Variants in CPNE7 observed in about 807,000 individuals in gnomAD.
The protein encoded by CPNE7 is copine-7.
CPNE7 carries 78 observed loss-of-function variants against 66.5 expected under a neutral mutation model. That is an observed-to-expected ratio of 1.17 (90% CI 0.98 to 1.42). The LOEUF is 1.42. Ranked by LOEUF, CPNE7 falls within the 40% of genes most tolerant of loss-of-function variation. The pLI, the probability that CPNE7 is intolerant of heterozygous loss-of-function variation, is 0.00. For synonymous variants in CPNE7, 468 were observed against 336.7 expected (o/e 1.39, Z -4.27); for missense variants, 1,012 against 776.6 (o/e 1.30, Z -3.60).
rs937972823 is a variant in CPNE7 at position 89,591,213 on chromosome 16, A to G, written c.1255A>G (p.Lys419Glu). 1 of 1,594,878 alleles carries G rather than the reference A, an allele frequency of 6.3e-7. No individual in the cohort carries two copies. Among genetic ancestry groups the G allele is most frequent in the African/African-American group, 1.3e-5 (1 of 74,726 alleles). ...GPTNVAPIIS[K>E]VARVAAAEES... ...CACCAACGTGGCGCCCATCATCTCC[A>G]AGGTGGCACGCGTGGCGGCGGCCGA... is the stretch of plus-strand genomic sequence containing the variant. Residue 419 changes from lysine to glutamate, a missense_variant, in exon 13 of 15, where the codon AAG (lysine) becomes GAG (glutamate). Coordinates refer to ENST00000319518, the MANE Select transcript of CPNE7 (RefSeq NM_153636.3).
intron 10 of CPNE7, 136 bp from the exon 11 acceptor site, chr16:89,589,761 G>C: frequency 1.2e-6 from 1 of 868,418 alleles, no homozygotes; most frequent in Non-Finnish European, 1.8e-6. Flanking sequence ...CCCCACCTCT[G>C]GCAGGTGCTT....
At chr16:89,576,586 G>T (rs529260396) in intron 1 of CPNE7, among the ~76,000 whole-genome samples, 22 of 152,310 alleles carry the variant, frequency 1.4e-4, no homozygotes, top group African/African-American at 4.1e-4. Context: ...GGTCCGAAGG[G>T]GCACGGGGCC....
At chr16:89,595,788 AAC>A (rs2059245483) in intron 14 of CPNE7, 185 bp downstream of exon 14, 2 of 707,200 alleles carry the variant, frequency 2.8e-6, no homozygotes, top group Non-Finnish European at 5.2e-6. Context: ...GAGCACCTGA[AAC>A]ACCCTCCACC....
chr16:89,595,143 G>A (rs1252324365), intron 13 of CPNE7, among the ~76,000 whole-genome samples: 1 of 152,140 alleles, frequency 6.6e-6, no homozygotes, highest in African/African-American at 2.4e-5. Flanking sequence ...GACTCGTGGA[G>A]ATTTCCTGAG....
At chr16:89,591,709 G>C (rs902166430) in intron 13 of CPNE7, among the ~76,000 whole-genome samples, 14 of 151,998 alleles carry the variant, frequency 9.2e-5, no homozygotes, top group African/African-American at 2.9e-4. Context: ...CTTTTCTTTT[G>C]TTTTTTGTGA....
rs2058852065 is a variant in CPNE7 at position 89,575,869 on chromosome 16, G to C, written c.-29G>C. The C allele has an allele frequency of 2.1e-5, 25 of 1,193,538 alleles. No individual in the cohort carries two copies. The highest frequency in any genetic ancestry group is 2.6e-5 in the Non-Finnish European group (25 of 963,458). The allele number at this position is 1,193,538 out of a possible 1,614,324, so 73.9% of individuals were successfully genotyped here. On this transcript the variant is annotated 5_prime_UTR_variant, in exon 1 of 15. Coordinates refer to ENST00000319518, the MANE Select transcript of CPNE7 (RefSeq NM_153636.3). ...CTCGCGGGCAGCGGCCCCTCAGTGC[G>C]CCCAGCCGGGCCCCCGAACGCCGGG...
chr16:89,581,446 C>G (rs974044817), intron 2 of CPNE7, among the ~76,000 whole-genome samples: 1 of 152,264 alleles, frequency 6.6e-6, no homozygotes, highest in African/African-American at 2.4e-5. Context: ...AATTCCACGT[C>G]CATGAATCAC....
At chr16:89,579,862 G>A (rs1459972027) in intron 2 of CPNE7, among the ~76,000 whole-genome samples, 4 of 33,572 alleles carry the variant, frequency 1.2e-4, no homozygotes, top group African/African-American at 1.5e-4. Flanking sequence ...CCCATCACAC[G>A]GAACATCCCG....
At chr16:89,587,503 C>T (rs1384376271) in intron 9 of CPNE7, 7 of 451,520 alleles carry the variant, frequency 1.6e-5, no homozygotes, top group East Asian at 7.1e-5. Context: ...CCAAGCCCGC[C>T]TTGGGAGGTG....
chr16:89,586,846 G>A (rs2059048641), intron 8 of CPNE7, 90 bp downstream of exon 8: 2 of 1,268,662 alleles, frequency 1.6e-6, no homozygotes, highest in Admixed American at 3.5e-5. Context: ...TCAACCAGAG[G>A]CCTGGTGGGC....
At chr16:89,596,247 C>T (rs948098848) in intron 14 of CPNE7, among the ~76,000 whole-genome samples, 5 of 152,224 alleles carry the variant, frequency 3.3e-5, no homozygotes, top group African/African-American at 1.2e-4. Flanking sequence ...GAGGTGGCCT[C>T]GCCTCCCGTG....
chr16:89,578,801 G>A (rs974708225), intron 2 of CPNE7: 13 of 1,535,576 alleles, frequency 8.5e-6, no homozygotes, highest in Admixed American at 8.4e-5. Flanking sequence ...TGAGCAGCAG[G>A]TCCTACGGTG....
Position 89,584,092 on chromosome 16 carries a change from T to TGGACGACAAGGTGAGTGCAGGTGCC in CPNE7, c.500_507+17dup. On this transcript the variant is annotated frameshift_variant, in exon 4 of 15. Transcript: ENST00000319518. LOFTEE classifies it high-confidence loss of function. This position sits in a 1 kb window ranked among gnomAD's most constrained non-coding sequence, Gnocchi z 6.0. ...GAGCTCTCCTTCCGGGCCAGGAAGCTGGACGACAAGGTGAGTGCAGGTGCC... is the reference window on the plus strand; with the variant it reads ...GAGCTCTCCTTCCGGGCCAGGAAGCTGGACGACAAGGTGAGTGCAGGTGCCGGACGACAAGGTGAGTGCAGGTGCC... 6.2e-7 allele frequency: 1 copy of TGGACGACAAGGTGAGTGCAGGTGCC among 1,611,450 alleles called. No individual in the cohort carries two copies. Among genetic ancestry groups the TGGACGACAAGGTGAGTGCAGGTGCC allele is most frequent in the Non-Finnish European group, 8.5e-7 (1 of 1,179,274 alleles).
chr16:89,588,251 T>C, intron 9 of CPNE7, among the ~76,000 whole-genome samples: 1 of 114,820 alleles, frequency 8.7e-6, no homozygotes, highest in Non-Finnish European at 2.1e-5. Flanking sequence ...CCGCGTGTTA[T>C]TTGCAGATGC....
At chr16:89,577,826 A>T in intron 2 of CPNE7, 105 bp downstream of exon 2, 1 of 1,114,442 alleles carries the variant, frequency 9.0e-7, no homozygotes, top group Non-Finnish European at 1.3e-6. Flanking sequence ...GGGGTGGCCA[A>T]CCTGGCTCTG....
chr16:89,585,399 C>G (rs1567957372), intron 5 of CPNE7, 65 bp from the exon 6 acceptor site: 1 of 1,156,238 alleles, frequency 8.6e-7, no homozygotes. Flanking sequence ...CCACCCAGGT[C>G]TCTATCCCCC....
chr16:89,576,965 C>T (rs2058870161), intron 1 of CPNE7, among the ~76,000 whole-genome samples: 2 of 152,232 alleles, frequency 1.3e-5, no homozygotes, highest in African/African-American at 4.8e-5. Flanking sequence ...CCACCATCCC[C>T]ACGGAGGCCT....
intron 11 of CPNE7, among the ~76,000 whole-genome samples, chr16:89,590,750 C>CG (rs1794397585): frequency 2.2e-5 from 2 of 89,044 alleles, no homozygotes; most frequent in Non-Finnish European, 4.5e-5. Flanking sequence ...GGGGCCAGGT[C>CG]GGGGGAGCAG....
chr16:89,592,632 C>T (rs1236800144), intron 13 of CPNE7, among the ~76,000 whole-genome samples: 25 of 146,686 alleles, frequency 1.7e-4, no homozygotes, highest in Admixed American at 1.2e-3. Flanking sequence ...TTAGTAGAGA[C>T]GGGGTTTCAC....
Sources: allele counts gnomAD v4.1 joint callset (sites outside exome capture counted in the v4.1 genomes callset), GRCh38; gene constraint gnomAD v4.1.1; non-coding constraint Gnocchi (gnomAD v3.1); transcripts MANE v1.5; gene names NCBI Gene and HGNC (gene_info 2026-07-23, HGNC 2026-07-21).